The following IQSEC2 variants were observed in gnomAD, a reference collection of about 807,000 sequenced individuals.
IQSEC2 encodes the protein IQ motif and SEC7 domain-containing protein 2.
A neutral mutation model predicts 74.6 loss-of-function variants in IQSEC2; 6 were observed. The observed-to-expected ratio is 0.08, with a 90% CI of 0.04 to 0.16. The LOEUF is 0.16. IQSEC2 is among the 10% of genes least tolerant of loss of function. The pLI, the probability that IQSEC2 is intolerant of heterozygous loss-of-function variation, is 1.00. For synonymous variants in IQSEC2, 494 were observed against 544.5 expected, an observed-to-expected ratio of 0.91 and a Z score of 1.29; for missense variants, 734 against 1,306.2, an observed-to-expected ratio of 0.56 and a Z score of 6.75.
intron 1 of IQSEC2, among the ~76,000 whole-genome samples, chrX:53,293,952 A>G (rs1224760977): frequency 1.8e-5 from 2 of 111,657 alleles, no homozygotes; most frequent in Non-Finnish European, 3.8e-5. Flanking sequence ...AAAGGTCAAA[A>G]TGACTTGCCC....
At chrX:53,247,246 A>T in intron 7 of IQSEC2, 111 bp from the exon 8 acceptor site, 1 of 751,868 alleles carries the variant, frequency 1.3e-6, no homozygotes, top group African/African-American at 2.1e-5. Context: ...TACTTTCTTG[A>T]TCTCTGGGTC....
intron 2 of IQSEC2, among the ~76,000 whole-genome samples, chrX:53,280,287 G>A (rs2074932224): frequency 9.0e-6 from 1 of 110,586 alleles, no homozygotes; most frequent in Non-Finnish European, 1.9e-5. Context: ...GGAAGGAGAA[G>A]CTCTGGGCCC....
chrX:53,282,312 T>A (rs1281659293), intron 2 of IQSEC2, among the ~76,000 whole-genome samples: 1 of 113,015 alleles, frequency 8.8e-6, no homozygotes, highest in Non-Finnish European at 1.9e-5. Flanking sequence ...AGGGTCTTAC[T>A]AAAGTTCATG....
At chrX:53,286,147 T>C (rs1461835233) in intron 2 of IQSEC2, among the ~76,000 whole-genome samples, 1 of 111,060 alleles carries the variant, frequency 9.0e-6, no homozygotes, top group African/African-American at 3.3e-5. Context: ...TTTATACCAG[T>C]TGTTCTGAGG....
At chrX:53,240,789 T>C (rs2074205814) in intron 10 of IQSEC2, among the ~76,000 whole-genome samples, 1 of 109,786 alleles carries the variant, frequency 9.1e-6, no homozygotes, top group African/African-American at 3.3e-5. Flanking sequence ...TTTTTTTTTT[T>C]TTTTGAGACA....
chrX:53,320,910 G>C lies in IQSEC2; in HGVS notation c.214C>G (p.Leu72Val). 2.6e-6 allele frequency: 3 copies of C among 1,163,843 alleles called. No homozygotes were observed. Among genetic ancestry groups the C allele is most frequent in the Non-Finnish European group, 3.4e-6 (3 of 872,180 alleles). Residue 72 changes from leucine to valine, a missense_variant, in exon 1 of 15, where the codon CTG becomes GTG. Physicochemically the swap from Leu to Val is conservative, Grantham distance 32 (BLOSUM62 1). Transcript: ENST00000642864. ...CGCGCGCCGTGGGGGTCCCGGTGCA[G>C]CTCCCCGCGGTGCAGCTGGCTCTCC... ...REESQLHRGE[L>V]HRDPHGARDS...
chrX:53,280,153 C>G (rs1039171851), intron 2 of IQSEC2, among the ~76,000 whole-genome samples: 1 of 90,872 alleles, frequency 1.1e-5, no homozygotes, highest in Non-Finnish European at 2.1e-5. Flanking sequence ...GGGAGCCCTC[C>G]TCACACCAGA....
intron 2 of IQSEC2, among the ~76,000 whole-genome samples, chrX:53,280,308 G>T (rs782137351): frequency 9.0e-6 from 1 of 110,849 alleles, no homozygotes; most frequent in African/African-American, 3.3e-5. Flanking sequence ...AAAGAAGGGG[G>T]AGAACCCAGG....
chrX:53,273,880 C>T (rs782440693), intron 2 of IQSEC2, among the ~76,000 whole-genome samples: 1 of 112,474 alleles, frequency 8.9e-6, no homozygotes, highest in Non-Finnish European at 1.9e-5. Context: ...TTCAGTATCA[C>T]AAGCAATGCT....
chrX:53,301,280 C>G (rs1259970269), intron 1 of IQSEC2, among the ~76,000 whole-genome samples: 9 of 111,805 alleles, frequency 8.0e-5, no homozygotes, highest in Non-Finnish European at 1.1e-4. Context: ...AGAACACCCC[C>G]TGCTCCCTTC....
In IQSEC2 at chrX:53,255,887, G is replaced by A. The variant is rs2147127620; in HGVS notation, c.912C>T (p.Ala304=). 2 of 1,210,807 alleles carry A rather than the reference G, an allele frequency of 1.7e-6. No individual in the cohort carries two copies. ...TCTCCTCCTCCTCCTGCTTCCTCAG[G>A]GCGACACTGGCTGGCTGGAGGCGTG... ...QRARLQPASV[A]LRKQEEEEIK... is the part of the protein sequence containing the mutation. The change falls in exon 3 of 15, where the codon GCC becomes GCT. Residue 304 remains alanine, a synonymous_variant. Transcript: ENST00000642864.
intron 1 of IQSEC2, among the ~76,000 whole-genome samples, chrX:53,317,343 C>T (rs1390727548): frequency 9.0e-6 from 1 of 111,671 alleles, no homozygotes; most frequent in Non-Finnish European, 1.9e-5. Context: ...ATACTGGCAT[C>T]CTGGAACCTG....
intron 2 of IQSEC2, 59 bp downstream of exon 2, chrX:53,291,836 G>C: frequency 7.6e-6 from 8 of 1,052,078 alleles, no homozygotes; most frequent in Non-Finnish European, 1.0e-5. Context: ...CAAACCAGAG[G>C]CCCCCACCCC....
Position 53,320,657 on chromosome X carries a change from T to C in IQSEC2, c.467A>G (p.Gln156Arg). The change falls in exon 1 of 15, where the codon CAG (glutamine) becomes CGG (arginine). Residue 156 changes from glutamine to arginine, a missense_variant. Around this residue, in one of 12 missense-constraint regions of IQSEC2, gnomAD observed 134 missense variants for 214.9 expected, o/e 0.62. Transcript: ENST00000642864. ...TGGGTTCTCGTGGTGCAGGTGGCAC[T>C]GGGCCACGTCACGCTCGCGGGCTGT... ...GYTARERDVA[Q>R]CHLHHENPAL... 8.6e-7 allele frequency: 1 copy of C among 1,164,653 alleles called. No homozygotes were observed.
At chrX:53,298,125 G>A (rs1196141226) in intron 1 of IQSEC2, among the ~76,000 whole-genome samples, 3 of 106,839 alleles carry the variant, frequency 2.8e-5, no homozygotes, top group Admixed American at 9.9e-5. Context: ...GCGAGACTCC[G>A]TCTCAAAAAA....
chrX:53,314,665 A>G (rs1556878701), intron 1 of IQSEC2, among the ~76,000 whole-genome samples: 1 of 111,918 alleles, frequency 8.9e-6, no homozygotes, highest in Non-Finnish European at 1.9e-5. Flanking sequence ...GCTGGAGCAT[A>G]GTCTGTACAA....
downstream of IQSEC2, chrX:53,229,731 GC>G (rs1249735567): frequency 2.7e-5 from 3 of 111,784 alleles, no homozygotes; most frequent in Non-Finnish European, 5.6e-5. Flanking sequence ...AAGAATGACG[GC>G]ATTTGAAAAT....
intron 1 of IQSEC2, among the ~76,000 whole-genome samples, chrX:53,297,557 G>C (rs1556874588): frequency 9.0e-6 from 1 of 110,665 alleles, no homozygotes; most frequent in Non-Finnish European, 1.9e-5. Context: ...AAACTCCTGG[G>C]CTCAAGAGAT....
intron 1 of IQSEC2, 30 bp from the exon 2 acceptor site, chrX:53,291,954 A>G: frequency 8.7e-7 from 1 of 1,152,946 alleles, no homozygotes; most frequent in Non-Finnish European, 1.2e-6. Flanking sequence ...AAAAAACCAA[A>G]ACGGTCAGTA....
Sources: gnomAD v4.1 joint callset for allele counts (sites outside exome capture counted in the v4.1 genomes callset) on GRCh38, gnomAD v4.1.1 for gene constraint, gnomAD v4.1.1 regional missense constraint, MANE v1.5 for transcripts, NCBI Gene and HGNC (gene_info 2026-07-23, HGNC 2026-07-21) for gene names.